The following KLHL1 variants were observed in gnomAD, a reference collection of about 807,000 sequenced individuals.
KLHL1 encodes kelch-like protein 1.
In KLHL1, 47 loss-of-function variants were observed where a neutral mutation model predicts 77.7. That is an observed-to-expected ratio of 0.60 (90% CI 0.48 to 0.77). The LOEUF is 0.77. Among genes scored for constraint, KLHL1 ranks in the 30% least tolerant of loss-of-function variants. KLHL1 has a pLI of 0.00. For missense variants in KLHL1, 925 were observed against 910.8 expected (o/e 1.02, Z -0.20); for synonymous variants, 360 against 325.2 (o/e 1.11, Z -1.15).
chr13:69,841,329 CA>C (rs1029749179), intron 5 of KLHL1, among the ~76,000 whole-genome samples: 3 of 150,084 alleles, frequency 2.0e-5, no homozygotes, highest in East Asian at 2.0e-4. Flanking sequence ...AAAGACTCAA[CA>C]AAAAAAACAG....
chr13:69,726,396 G>C (rs1055206218), intron 8 of KLHL1, among the ~76,000 whole-genome samples: 1 of 152,128 alleles, frequency 6.6e-6, no homozygotes, highest in Non-Finnish European at 1.5e-5. Context: ...CAATCCTGCT[G>C]TCAGATTACT....
At chr13:70,101,201 T>C (rs1171199113) in intron 1 of KLHL1, among the ~76,000 whole-genome samples, 1 of 152,140 alleles carries the variant, frequency 6.6e-6, no homozygotes, top group African/African-American at 2.4e-5. Flanking sequence ...AATAGTACCA[T>C]AGAAAGGCTA....
chr13:69,880,967 C>T (rs1415224325), intron 5 of KLHL1, among the ~76,000 whole-genome samples: 1 of 152,072 alleles, frequency 6.6e-6, no homozygotes, highest in East Asian at 1.9e-4. Flanking sequence ...TATTTCTTCC[C>T]CAAAAGATTA....
At chr13:69,851,794 A>G (rs1879700612) in intron 5 of KLHL1, among the ~76,000 whole-genome samples, 1 of 151,836 alleles carries the variant, frequency 6.6e-6, no homozygotes, top group Non-Finnish European at 1.5e-5. Context: ...CCTTTCTTGC[A>G]GAACTCATCT....
chr13:70,042,750 A>G (rs1886406543), intron 1 of KLHL1, among the ~76,000 whole-genome samples: 1 of 152,190 alleles, frequency 6.6e-6, no homozygotes, highest in Non-Finnish European at 1.5e-5. Context: ...AGTTAACTGT[A>G]AAACAGCCTC....
chr13:70,072,954 A>G (rs9572350), intron 1 of KLHL1, among the ~76,000 whole-genome samples: 79,060 of 151,904 alleles, frequency 0.52, 20,936 homozygotes, highest in East Asian at 0.72. Flanking sequence ...CTAGCTAATG[A>G]AATAAGAGAA....
chr13:70,010,908 T>TAA (rs1411155631), intron 1 of KLHL1, among the ~76,000 whole-genome samples: 127 of 103,258 alleles, frequency 1.2e-3, no homozygotes, highest in African/African-American at 4.8e-3. Context: ...AAAATAATAA[T>TAA]AATAATAAAA....
intron 1 of KLHL1, among the ~76,000 whole-genome samples, chr13:70,028,716 C>T (rs962829): frequency 0.85 from 129,599 of 152,022 alleles, 55,797 homozygotes; most frequent in East Asian, 0.92. Flanking sequence ...GTAGTTTATG[C>T]CTGTAATCCC....
chr13:70,009,298 T>A (rs1244543968), intron 1 of KLHL1, among the ~76,000 whole-genome samples: 1 of 152,246 alleles, frequency 6.6e-6, no homozygotes, highest in Non-Finnish European at 1.5e-5. Context: ...TGAGGGCAGC[T>A]GATGTCATTC....
At chr13:69,929,348 A>G (rs1271979233) in intron 4 of KLHL1, among the ~76,000 whole-genome samples, 1 of 152,022 alleles carries the variant, frequency 6.6e-6, no homozygotes, top group East Asian at 1.9e-4. Context: ...AAACGCCTTC[A>G]GTAATTGGGA....
intron 1 of KLHL1, among the ~76,000 whole-genome samples, chr13:70,066,953 G>A (rs1887022584): frequency 1.3e-5 from 2 of 152,116 alleles, no homozygotes; most frequent in African/African-American, 4.8e-5. Flanking sequence ...ACGATTCCAG[G>A]AGCATAAGTC....
At chr13:70,093,631 ATTAC>A (rs1468086776) in intron 1 of KLHL1, among the ~76,000 whole-genome samples, 2 of 152,116 alleles carry the variant, frequency 1.3e-5, no homozygotes, top group Non-Finnish European at 2.9e-5. Context: ...AAGGGGGGAT[ATTAC>A]TTAATTTGGC....
chr13:70,036,938 A>T (rs1886255452), intron 1 of KLHL1, among the ~76,000 whole-genome samples: 1 of 150,408 alleles, frequency 6.6e-6, no homozygotes, highest in Non-Finnish European at 1.5e-5. Flanking sequence ...AATTATGTTA[A>T]CAAATTATAA....
At chr13:70,097,958 A>G (rs1887833044) in intron 1 of KLHL1, among the ~76,000 whole-genome samples, 2 of 151,258 alleles carry the variant, frequency 1.3e-5, no homozygotes, top group Admixed American at 1.3e-4. Context: ...AAATAATATT[A>G]GTTGCAAGGT....
intron 1 of KLHL1, among the ~76,000 whole-genome samples, chr13:70,101,507 T>C (rs1159234804): frequency 6.6e-6 from 1 of 152,036 alleles, no homozygotes; most frequent in African/African-American, 2.4e-5. Flanking sequence ...CGGCTTACTG[T>C]AACATCCGCC....
chr13:69,813,434 T>C (rs954832173), intron 6 of KLHL1, among the ~76,000 whole-genome samples: 4 of 151,148 alleles, frequency 2.6e-5, no homozygotes, highest in Non-Finnish European at 5.9e-5. Context: ...GTAACACACC[T>C]GCATGTTGTG....
intron 7 of KLHL1, among the ~76,000 whole-genome samples, chr13:69,764,491 C>T (rs1229187577): frequency 1.3e-5 from 2 of 151,984 alleles, no homozygotes; most frequent in Non-Finnish European, 2.9e-5. Context: ...GAGATATGAC[C>T]TTATCTATAA....
In KLHL1 at chr13:70,101,490, G is replaced by A. The variant is rs180693602; in HGVS notation, c.497+5713C>T. 3.5e-3 allele frequency among the ~76,000 whole-genome samples: 535 copies of A among 152,044 alleles called. 6 individuals are homozygous for A. The highest frequency in any genetic ancestry group is 5.2e-3 in the Non-Finnish European group (351 of 67,966). Reference sequence around the variant, plus strand: ...GTCCCCCAGGCTGGAGTGCAGTGGCGCGATCTCGGCTTACTGTAACATCCG... The same window carrying A: ...GTCCCCCAGGCTGGAGTGCAGTGGCACGATCTCGGCTTACTGTAACATCCG... On this transcript the variant is annotated intron_variant, in intron 1 of 10. Coordinates refer to ENST00000377844, the MANE Select transcript of KLHL1 (RefSeq NM_020866.3).
chr13:69,725,201 C>T (rs1426730191), intron 8 of KLHL1, among the ~76,000 whole-genome samples: 1 of 152,150 alleles, frequency 6.6e-6, no homozygotes, highest in African/African-American at 2.4e-5. Flanking sequence ...CTTTGATTTA[C>T]AAATATCCTG....
Sources: gnomAD v4.1 joint callset for allele counts (sites outside exome capture counted in the v4.1 genomes callset) on GRCh38, gnomAD v4.1.1 for gene constraint, MANE v1.5 for transcripts, NCBI Gene and HGNC (gene_info 2026-07-23, HGNC 2026-07-21) for gene names.